The following ARMC6 variants were observed in gnomAD, a reference collection of about 807,000 sequenced individuals.
The protein encoded by ARMC6 is armadillo repeat containing 6.
ARMC6 carries 43 observed loss-of-function variants against 49.2 expected under a neutral mutation model. The observed-to-expected ratio is 0.87, with a 90% CI of 0.69 to 1.13. ARMC6 has a LOEUF of 1.13. Among genes scored for constraint, ARMC6 ranks in the 50% most tolerant of loss-of-function variants. The pLI, the probability that ARMC6 is intolerant of heterozygous loss-of-function variation, is 0.00. For missense variants in ARMC6, 627 were observed against 682.0 expected (o/e 0.92, Z 0.90); for synonymous variants, 262 against 289.6 (o/e 0.90, Z 0.97).
At position 19,055,704 on chromosome 19, in the gene ARMC6, G is replaced by A. The variant is rs73923202; in HGVS notation, c.1156-87G>A. 1.3e-6 allele frequency: 2 copies of A among 1,493,062 alleles called. No individual in the cohort carries two copies. The highest frequency in any genetic ancestry group is 1.4e-5 in the African/African-American group (1 of 71,780). 92.5% of individuals were successfully genotyped at this position (1,493,062 alleles called of 1,614,324 possible). ...AGACCCACGGAGGGGAGGCCGCAGG[G>A]TGTTCACCAGGGGTTGGTGGCCATG... On this transcript the variant is annotated intron_variant, in intron 7 of 8. Coordinates refer to ENST00000535612, the MANE Select transcript of ARMC6 (RefSeq NM_001199196.2). The surrounding 1 kb of genome is among the most constrained non-coding windows in gnomAD (Gnocchi z 5.7).
Position 19,057,808 on chromosome 19 carries a change from G to A in ARMC6, c.*180G>A. On this transcript the variant is annotated 3_prime_UTR_variant, in exon 9 of 9. Coordinates refer to ENST00000535612, the MANE Select transcript of ARMC6 (RefSeq NM_001199196.2). Reference sequence around the variant, plus strand: ...AGCCTTGTAGGGAGGCCTCTACACAGAAGAAAGCAGCCCCCATGTCCCAGC... The same window carrying A: ...AGCCTTGTAGGGAGGCCTCTACACAAAAGAAAGCAGCCCCCATGTCCCAGC... The A allele has an allele frequency of 1.3e-6, 1 of 782,306 alleles. No homozygotes were observed. The highest frequency in any genetic ancestry group is 1.7e-5 in the Admixed American group (1 of 57,906). 48.5% of individuals were successfully genotyped at this position (782,306 alleles called of 1,614,324 possible).
chr19:19,045,130 C>T (rs1230081995), intron 4 of ARMC6, among the ~76,000 whole-genome samples: 2 of 152,132 alleles, frequency 1.3e-5, no homozygotes, highest in African/African-American at 2.4e-5. Context: ...CCTGCCTCAG[C>T]CTCCCGAGTA....
intron 4 of ARMC6, among the ~76,000 whole-genome samples, chr19:19,048,545 G>A (rs1215157743): frequency 6.6e-6 from 1 of 151,852 alleles, no homozygotes; most frequent in Non-Finnish European, 1.5e-5. Flanking sequence ...TTTTCTGATT[G>A]AAAGAGTTAT....
At chr19:19,043,644 T>G (rs2059426529) in intron 3 of ARMC6, among the ~76,000 whole-genome samples, 2 of 152,178 alleles carry the variant, frequency 1.3e-5, no homozygotes, top group East Asian at 1.9e-4. Context: ...CCAGGAGGGA[T>G]GGGAGCCCCA....
chr19:19,035,764 ATCAG>A (rs1417764794), intron 2 of ARMC6, among the ~76,000 whole-genome samples: 2 of 60,844 alleles, frequency 3.3e-5, no homozygotes, highest in Non-Finnish European at 6.6e-5. Flanking sequence ...ACAGGTGTCA[ATCAG>A]TTAGAAAGCT....
chr19:19,037,420 AG>A (rs1390104345), intron 2 of ARMC6: 1 of 239,934 alleles, frequency 4.2e-6, no homozygotes, highest in East Asian at 1.7e-4. Flanking sequence ...TTTGTCACCC[AG>A]GCTGGAGTTC....
rs1274824932 is a variant in ARMC6, at chr19:19,033,606, G to A, written c.-404G>A. On this transcript the variant is annotated 5_prime_UTR_variant, in exon 1 of 9. Transcript: ENST00000535612. Reference sequence around the variant, plus strand: ...TGGTGCGCAGGCGCGGGCCGCCGCGGCCCGGCTCTCTTGCGCAAGCGCGCT... The same window carrying A: ...TGGTGCGCAGGCGCGGGCCGCCGCGACCCGGCTCTCTTGCGCAAGCGCGCT... The A allele has an allele frequency of 3.4e-6, 4 of 1,179,568 alleles. No homozygotes were observed. The highest frequency in any genetic ancestry group is 3.8e-5 in the East Asian group (1 of 26,366). 73.1% of individuals were successfully genotyped at this position (1,179,568 alleles called of 1,614,324 possible).
chr19:19,042,619 A>G, intron 2 of ARMC6, 92 bp from the exon 3 acceptor site: 1 of 1,348,754 alleles, frequency 7.4e-7, no homozygotes, highest in South Asian at 1.2e-5. Flanking sequence ...GGTCGCTGGT[A>G]GATGCTTCCT....
At chr19:19,038,381 G>A (rs2059386457) in intron 2 of ARMC6, among the ~76,000 whole-genome samples, 1 of 152,108 alleles carries the variant, frequency 6.6e-6, no homozygotes, top group Admixed American at 6.5e-5. Flanking sequence ...AAAAAGGTTG[G>A]GACTGCTGAG....
In ARMC6 at chr19:19,055,717, G is replaced by T. The variant is rs1360871160; in HGVS notation, c.1156-74G>T. The T allele has an allele frequency of 3.3e-6, 5 of 1,507,276 alleles. No individual in the cohort carries two copies. The highest frequency in any genetic ancestry group is 2.6e-5 in the South Asian group (2 of 77,588). The allele number at this position is 1,507,276 out of a possible 1,614,324, so 93.4% of individuals were successfully genotyped here. A position where few individuals can be genotyped will look rare whatever the true frequency, so the allele number is the denominator to read the frequency against. On this transcript the variant is annotated intron_variant, in intron 7 of 8. Transcript: ENST00000535612. The surrounding 1 kb of genome is among the most constrained non-coding windows in gnomAD (Gnocchi z 5.7). ...GGAGGCCGCAGGGTGTTCACCAGGGGTTGGTGGCCATGGCAGGATGTTGTG... is the reference window on the plus strand; with the variant it reads ...GGAGGCCGCAGGGTGTTCACCAGGGTTTGGTGGCCATGGCAGGATGTTGTG...
intron 2 of ARMC6, among the ~76,000 whole-genome samples, chr19:19,042,429 G>A (rs2059417885): frequency 6.6e-6 from 1 of 150,848 alleles, no homozygotes; most frequent in Non-Finnish European, 1.5e-5. Context: ...GCTCACTGCA[G>A]CCTTGACCTC....
rs1163040715 is a variant in ARMC6, at chr19:19,042,832, C to T, written c.151C>T (p.Pro51Ser). The T allele has an allele frequency of 6.2e-7, 1 of 1,613,850 alleles. No homozygotes were observed. The highest frequency in any genetic ancestry group is 1.3e-5 in the African/African-American group (1 of 74,922). The change falls in exon 3 of 9, where the codon CCA becomes TCA. Residue 51 changes from proline (P) to serine (S), a missense_variant. Physicochemically the swap from Pro to Ser is moderately conservative, Grantham distance 74. Transcript: ENST00000535612. Reference sequence around the variant, plus strand: ...GAACATCGAGGAGTTTGCGATGGGGCCAGAGGAGGCAGTGAAAGAGGCCGT... The same window carrying T: ...GAACATCGAGGAGTTTGCGATGGGGTCAGAGGAGGCAGTGAAAGAGGCCGT... ...RENIEEFAMG[P>S]EEAVKEAVEQ... is the part of the protein sequence containing the mutation.
intron 2 of ARMC6, chr19:19,040,746 C>T (rs1211835421): frequency 8.9e-6 from 4 of 448,670 alleles, no homozygotes; most frequent in South Asian, 6.3e-5. Context: ...CCTCTGTGCT[C>T]AAGTGGTTCT....
chr19:19,052,198 A>T lies in ARMC6; in HGVS notation c.853+3A>T. On this transcript the variant is annotated splice_donor_region_variant and intron_variant, in intron 5 of 8. Coordinates refer to ENST00000535612, the MANE Select transcript of ARMC6 (RefSeq NM_001199196.2). ...GGTGCTCATCGAAGCCACCAAAGGT[A>T]AGAGCTGGGGGCCGACACGAGCCAG... 6.3e-7 allele frequency: 1 copy of T among 1,588,448 alleles called. No homozygotes were observed. The highest frequency in any genetic ancestry group is 8.6e-7 in the Non-Finnish European group (1 of 1,167,486).
chr19:19,057,908 G>T lies in ARMC6; in HGVS notation c.*280G>T. The T allele has an allele frequency of 1.8e-6, 1 of 554,494 alleles. No individual in the cohort carries two copies. Among genetic ancestry groups the T allele is most frequent in the South Asian group, 1.9e-5 (1 of 53,722 alleles). 34.3% of individuals were successfully genotyped at this position (554,494 alleles called of 1,614,324 possible). A position where few individuals can be genotyped will look rare whatever the true frequency, so the allele number is the denominator to read the frequency against. ...CCCCAGCCCCACGCCCTACCAGAGG[G>T]GGCAAAGGGCACGTCCCATCACTCA... On this transcript the variant is annotated 3_prime_UTR_variant, in exon 9 of 9. Transcript: ENST00000535612.
At chr19:19,035,253 G>A (rs1168373141) in intron 2 of ARMC6, among the ~76,000 whole-genome samples, 2 of 152,094 alleles carry the variant, frequency 1.3e-5, no homozygotes, top group Non-Finnish European at 2.9e-5. Flanking sequence ...TGATCTACCC[G>A]CCTCAGACTC....
chr19:19,050,381 C>A lies in ARMC6; in HGVS notation c.280-1241C>A, dbSNP rs556828415. Reference sequence around the variant, plus strand: ...GGAACTGATGGGTCACACAGTAATTCTGTTTGATTTTCTTTTTTGAGATGA... The same window carrying A: ...GGAACTGATGGGTCACACAGTAATTATGTTTGATTTTCTTTTTTGAGATGA... On this transcript the variant is annotated intron_variant, in intron 4 of 8. Transcript: ENST00000535612. 6.6e-5 allele frequency among the ~76,000 whole-genome samples: 10 copies of A among 152,248 alleles called. 1 individual carries two copies. The South Asian group carries it at 2.1e-3, about 32-fold the overall frequency.
intron 3 of ARMC6, among the ~76,000 whole-genome samples, chr19:19,043,087 G>A (rs2059423119): frequency 1.3e-5 from 2 of 152,180 alleles, no homozygotes; most frequent in Non-Finnish European, 2.9e-5. Context: ...GATATTTGTG[G>A]GCTGGATCCT....
intron 2 of ARMC6, among the ~76,000 whole-genome samples, chr19:19,037,070 C>T (rs1369979077): frequency 6.6e-6 from 1 of 152,170 alleles, no homozygotes; most frequent in Non-Finnish European, 1.5e-5. Context: ...CCTGTAGTCT[C>T]AGCTACTTGG....
Sources: allele counts gnomAD v4.1 joint callset (sites outside exome capture counted in the v4.1 genomes callset), GRCh38; gene constraint gnomAD v4.1.1; non-coding constraint Gnocchi (gnomAD v3.1); transcripts MANE v1.5; gene names NCBI Gene and HGNC (gene_info 2026-07-23, HGNC 2026-07-21).